Variants in ADCK1 observed in about 807,000 individuals in gnomAD.
The protein encoded by ADCK1 is aarF domain containing kinase 1.
Under a neutral mutation model 52.3 loss-of-function variants are expected in ADCK1, and 41 were observed. The ratio of observed to expected loss-of-function variants is 0.78; its 90% CI spans 0.61 to 1.02. The LOEUF is 1.02. Among genes scored for constraint, ADCK1 ranks in the 50% least tolerant of loss-of-function variants. The pLI is 0.00. For synonymous variants in ADCK1, 250 were observed against 274.6 expected (o/e 0.91, Z 0.89); for missense variants, 658 against 679.5 (o/e 0.97, Z 0.35).
intron 1 of ADCK1, among the ~76,000 whole-genome samples, chr14:77,803,611 C>T (rs1407596085): frequency 6.6e-6 from 1 of 152,160 alleles, no homozygotes; most frequent in East Asian, 1.9e-4. Flanking sequence ...ATTGATTTGA[C>T]AATAAAACAG....
chr14:77,865,375 C>T (rs1406131433), intron 4 of ADCK1, among the ~76,000 whole-genome samples: 1 of 152,138 alleles, frequency 6.6e-6, no homozygotes, highest in African/African-American at 2.4e-5. Flanking sequence ...CCCAGCTACT[C>T]AGGAGGGTGA....
chr14:77,869,225 TC>T (rs1356386378), intron 4 of ADCK1, among the ~76,000 whole-genome samples: 1 of 152,186 alleles, frequency 6.6e-6, no homozygotes, highest in African/African-American at 2.4e-5. Context: ...GTCTCACAGT[TC>T]TGGAGGCCAG....
At chr14:77,881,322 G>T (rs1047916589) in intron 4 of ADCK1, among the ~76,000 whole-genome samples, 2 of 152,164 alleles carry the variant, frequency 1.3e-5, no homozygotes, top group Non-Finnish European at 2.9e-5. Flanking sequence ...TCACCATGCC[G>T]TGGCAGCTCA....
At chr14:77,819,522 C>T (rs1033971740) in intron 2 of ADCK1, among the ~76,000 whole-genome samples, 1 of 152,228 alleles carries the variant, frequency 6.6e-6, no homozygotes, top group Non-Finnish European at 1.5e-5. Flanking sequence ...CTCAATCCCT[C>T]TCCAGTGAGC....
chr14:77,839,920 A>G (rs1272407587), intron 3 of ADCK1, among the ~76,000 whole-genome samples: 3 of 15,832 alleles, frequency 1.9e-4, no homozygotes, highest in South Asian at 2.6e-3. Context: ...CCCTGTCTCA[A>G]AAAAAAAAAA....
At chr14:77,820,528 C>T (rs1217687451) in intron 2 of ADCK1, among the ~76,000 whole-genome samples, 3 of 151,522 alleles carry the variant, frequency 2.0e-5, no homozygotes, top group African/African-American at 4.8e-5. Context: ...GATAGGGTTT[C>T]GCTATGTTGC....
chr14:77,801,601 T>C (rs11850235), intron 1 of ADCK1, among the ~76,000 whole-genome samples: 20,635 of 152,172 alleles, frequency 0.14, 1,549 homozygotes, highest in Middle Eastern at 0.2. Context: ...ATATTCTTAC[T>C]TTCTGCTATG....
chr14:77,804,207 A>C (rs948479959), intron 1 of ADCK1, among the ~76,000 whole-genome samples: 29 of 152,182 alleles, frequency 1.9e-4, no homozygotes, highest in African/African-American at 6.5e-4. Flanking sequence ...AAGGCTAGTA[A>C]GCAGAACAGG....
At chr14:77,915,052 T>C (rs2083886172) in intron 7 of ADCK1, among the ~76,000 whole-genome samples, 1 of 152,244 alleles carries the variant, frequency 6.6e-6, no homozygotes, top group African/African-American at 2.4e-5. Flanking sequence ...GCTGGGCCTG[T>C]CTGGCTGTCT....
intron 3 of ADCK1, among the ~76,000 whole-genome samples, chr14:77,826,521 G>A (rs1337678373): frequency 6.6e-6 from 1 of 152,234 alleles, no homozygotes; most frequent in African/African-American, 2.4e-5. Context: ...AGCCAAGGTG[G>A]TGGGGAGGGG....
intron 1 of ADCK1, among the ~76,000 whole-genome samples, chr14:77,814,001 C>G (rs141469191): frequency 0.049 from 7,395 of 151,984 alleles, 236 homozygotes; most frequent in Middle Eastern, 0.092. Flanking sequence ...CTCCTGACCT[C>G]AGGTGATCCG....
intron 5 of ADCK1, among the ~76,000 whole-genome samples, chr14:77,894,112 C>A (rs546306956): frequency 2.1e-4 from 32 of 152,250 alleles, no homozygotes; most frequent in African/African-American, 7.7e-4. Context: ...AATCCAACAG[C>A]GATTTTATTT....
intron 5 of ADCK1, among the ~76,000 whole-genome samples, chr14:77,888,400 T>C (rs1416368580): frequency 6.6e-6 from 1 of 152,200 alleles, no homozygotes; most frequent in Non-Finnish European, 1.5e-5. Flanking sequence ...TACATATTTG[T>C]GGATCTGAGC....
At chr14:77,873,103 T>C (rs1285187513) in intron 4 of ADCK1, among the ~76,000 whole-genome samples, 1 of 152,192 alleles carries the variant, frequency 6.6e-6, no homozygotes, top group Non-Finnish European at 1.5e-5. Context: ...GCCTGAGCAG[T>C]GTACACTGTA....
intron 1 of ADCK1, among the ~76,000 whole-genome samples, chr14:77,804,770 G>C (rs1259123105): frequency 6.6e-6 from 1 of 152,152 alleles, no homozygotes; most frequent in Non-Finnish European, 1.5e-5. Flanking sequence ...AATGCTTTTG[G>C]AGCGCCCCCT....
intron 3 of ADCK1, among the ~76,000 whole-genome samples, chr14:77,836,996 G>A (rs148349009): frequency 0.067 from 10,221 of 151,760 alleles, 383 homozygotes; most frequent in Middle Eastern, 0.12. Flanking sequence ...CACCATGTTG[G>A]TCAGGCTGGT....
chr14:77,824,526 C>T (rs1019612594), intron 3 of ADCK1, among the ~76,000 whole-genome samples: 1 of 151,006 alleles, frequency 6.6e-6, no homozygotes, highest in Non-Finnish European at 1.5e-5. Flanking sequence ...CTCCATCTCC[C>T]GGGTTCAAGC....
chr14:77,846,020 G>C (rs1389027980), intron 3 of ADCK1, among the ~76,000 whole-genome samples: 1 of 152,188 alleles, frequency 6.6e-6, no homozygotes, highest in African/African-American at 2.4e-5. Flanking sequence ...CACTCCAGAA[G>C]TTCATTTTGG....
chr14:77,901,992 A>G (rs983767146), intron 6 of ADCK1, among the ~76,000 whole-genome samples: 3 of 152,172 alleles, frequency 2.0e-5, no homozygotes, highest in Non-Finnish European at 4.4e-5. Flanking sequence ...TTCTAGAGCC[A>G]ACAGTCAAGC....
Sources: gnomAD v4.1 joint callset for allele counts (sites outside exome capture counted in the v4.1 genomes callset) on GRCh38, gnomAD v4.1.1 for gene constraint, MANE v1.5 for transcripts, NCBI Gene and HGNC (gene_info 2026-07-23, HGNC 2026-07-21) for gene names.